ANKFN1: variants seen among roughly 807,000 people sequenced by gnomAD.
ANKFN1 encodes the protein ankyrin repeat and fibronectin type-III domain-containing protein 1.
Under a neutral mutation model 108.7 loss-of-function variants are expected in ANKFN1, and 74 were observed. That is an observed-to-expected ratio of 0.68 (90% CI 0.56 to 0.83). The LOEUF (loss-of-function observed/expected upper bound fraction) is 0.83. Ranked by LOEUF, ANKFN1 falls within the 40% of genes least tolerant of loss-of-function variation. The probability of loss-of-function intolerance (pLI) is 0.00; values close to 1 mark genes in which losing one functional copy is unlikely to be tolerated. For synonymous variants in ANKFN1, 547 were observed against 516.2 expected, an observed-to-expected ratio of 1.06 and a Z score of -0.81; for missense variants, 1,505 against 1,382.3, an observed-to-expected ratio of 1.09 and a Z score of -1.41.
At chr17:56,334,359 A>G (rs77926306) in intron 4 of ANKFN1, among the ~76,000 whole-genome samples, 2,474 of 152,258 alleles carry the variant, frequency 0.016, 120 homozygotes, top group Admixed American at 0.11. Flanking sequence ...ACAAAAAGAC[A>G]CAAAGAAACT....
In ANKFN1 at chr17:56,513,484, A is replaced by C. The variant is rs1170211635; in HGVS notation, c.*2215A>C. ...AATTATAAAATGGATTACTTTGTTC[A>C]ATGAGTTTGTGAGATGAGATTCTAG... On this transcript the variant is annotated 3_prime_UTR_variant, in exon 21 of 21. Transcript: ENST00000682825. Among the ~76,000 whole-genome samples, 1 of 152,228 alleles carries C rather than the reference A, an allele frequency of 6.6e-6. No individual in the cohort carries two copies. The highest frequency in any genetic ancestry group is 1.5e-5 in the Non-Finnish European group (1 of 68,048).
chr17:56,289,698 C>T (rs943016739), intron 3 of ANKFN1, among the ~76,000 whole-genome samples: 3 of 152,194 alleles, frequency 2.0e-5, no homozygotes, highest in African/African-American at 7.2e-5. Context: ...TTGGAATCCT[C>T]ACTGTTTATA....
chr17:56,366,173 A>T (rs561318513), intron 6 of ANKFN1, among the ~76,000 whole-genome samples: 2 of 152,296 alleles, frequency 1.3e-5, no homozygotes, highest in East Asian at 1.9e-4. Context: ...AATTTTTTTT[A>T]ATTTTTTAAA....
intron 8 of ANKFN1, among the ~76,000 whole-genome samples, chr17:56,424,736 A>G (rs1379303169): frequency 6.6e-6 from 1 of 152,196 alleles, no homozygotes; most frequent in Non-Finnish European, 1.5e-5. Context: ...TATTCTCTGC[A>G]AAGGGGAAAC....
intron 3 of ANKFN1, among the ~76,000 whole-genome samples, chr17:56,239,926 C>A (rs8075250): frequency 3.4e-3 from 513 of 152,064 alleles, no homozygotes; most frequent in African/African-American, 0.011. Context: ...CATTCGGGAG[C>A]TGTGAATAGA....
intron 1 of ANKFN1, among the ~76,000 whole-genome samples, chr17:56,173,975 C>T (rs1374939720): frequency 6.6e-6 from 1 of 152,222 alleles, no homozygotes; most frequent in African/African-American, 2.4e-5. Context: ...CCTTCCTCAT[C>T]AGGGTAGACT....
intron 15 of ANKFN1, among the ~76,000 whole-genome samples, chr17:56,474,535 C>G (rs1396896531): frequency 6.6e-6 from 1 of 152,084 alleles, no homozygotes; most frequent in Non-Finnish European, 1.5e-5. Context: ...TAGGGTCGTT[C>G]CGTGTTTCTC....
intron 1 of ANKFN1, among the ~76,000 whole-genome samples, chr17:56,189,230 G>A (rs1912623338): frequency 7.5e-6 from 1 of 133,372 alleles, no homozygotes; most frequent in Admixed American, 7.9e-5. Context: ...GAGTGCAGTG[G>A]CGGGATCTCG....
chr17:56,250,158 T>G (rs182719793), intron 3 of ANKFN1, among the ~76,000 whole-genome samples: 1 of 152,318 alleles, frequency 6.6e-6, no homozygotes, highest in Non-Finnish European at 1.5e-5. Flanking sequence ...TGTATTTCCT[T>G]TGGAAACTTG....
At chr17:56,405,155 G>A (rs2047883653) in intron 8 of ANKFN1, among the ~76,000 whole-genome samples, 1 of 152,188 alleles carries the variant, frequency 6.6e-6, no homozygotes, top group African/African-American at 2.4e-5. Flanking sequence ...CGGCCGGGAG[G>A]TGGCCCTTTC....
At chr17:56,415,901 AC>A (rs1439547546) in intron 8 of ANKFN1, among the ~76,000 whole-genome samples, 1 of 152,214 alleles carries the variant, frequency 6.6e-6, no homozygotes. Flanking sequence ...TAATCCAGAA[AC>A]AAATCGATAC....
At chr17:56,162,338 G>C (rs762623471) in intron 1 of ANKFN1, among the ~76,000 whole-genome samples, 5 of 152,174 alleles carry the variant, frequency 3.3e-5, no homozygotes, top group Non-Finnish European at 5.9e-5. Context: ...CAGTTCTGGA[G>C]GCTGGAAGCC....
intron 9 of ANKFN1, among the ~76,000 whole-genome samples, chr17:56,441,205 C>T (rs934918811): frequency 6.6e-6 from 1 of 151,864 alleles, no homozygotes; most frequent in African/African-American, 2.4e-5. Flanking sequence ...TAAATCAAAC[C>T]TTTTTCAGTC....
At chr17:56,160,511 A>G (rs964335245) in intron 1 of ANKFN1, among the ~76,000 whole-genome samples, 1 of 152,202 alleles carries the variant, frequency 6.6e-6, no homozygotes, top group Non-Finnish European at 1.5e-5. Context: ...GATGCCTACA[A>G]CTGAACTTGT....
chr17:56,281,933 T>C (rs1385240770), intron 3 of ANKFN1, among the ~76,000 whole-genome samples: 5 of 152,168 alleles, frequency 3.3e-5, no homozygotes, highest in Non-Finnish European at 7.3e-5. Flanking sequence ...GGTAATTGAT[T>C]ATAAAATTGA....
chr17:56,124,728 A>G (rs1013262409), intron 4 of ANKFN1, among the ~76,000 whole-genome samples: 1 of 152,212 alleles, frequency 6.6e-6, no homozygotes, highest in Admixed American at 6.5e-5. Flanking sequence ...GATGGAACTA[A>G]TGAATTAGAA....
intron 8 of ANKFN1, among the ~76,000 whole-genome samples, chr17:56,391,976 C>T (rs574732700): frequency 1.1e-4 from 17 of 152,012 alleles, no homozygotes; most frequent in South Asian, 2.1e-4. Flanking sequence ...TTCTAGGCAG[C>T]GGGGATGTAA....
chr17:56,480,888 G>GGGGT (rs1452182063), intron 17 of ANKFN1, 70 bp downstream of exon 17: 36 of 1,337,666 alleles, frequency 2.7e-5, no homozygotes, highest in Non-Finnish European at 3.4e-5. Context: ...CATTAAGTGG[G>GGGGT]GTGTGTGTGT....
chr17:56,055,596 T>TATATATATATATAC (rs768200056), intron 4 of ANKFN1, among the ~76,000 whole-genome samples: 13 of 130,646 alleles, frequency 1.0e-4, no homozygotes, highest in Non-Finnish European at 1.6e-4. Context: ...TATGTATATA[T>TATATATATATATAC]ACACATTTTT....
Sources: gnomAD v4.1 joint callset for allele counts (sites outside exome capture counted in the v4.1 genomes callset) on GRCh38, gnomAD v4.1.1 for gene constraint, MANE v1.5 for transcripts, NCBI Gene and HGNC (gene_info 2026-07-23, HGNC 2026-07-21) for gene names.